Variants in HPCAL1 observed in about 807,000 individuals in gnomAD.
The protein encoded by HPCAL1 is hippocalcin-like protein 1.
In HPCAL1, 8 loss-of-function variants were observed where a neutral mutation model predicts 17.1. The ratio of observed to expected loss-of-function variants is 0.47; its 90% CI spans 0.27 to 0.84. The LOEUF (loss-of-function observed/expected upper bound fraction) is 0.84. Among genes scored for constraint, HPCAL1 ranks in the 40% least tolerant of loss-of-function variants. HPCAL1 has a pLI of 0.13. For synonymous variants in HPCAL1, 112 were observed against 111.4 expected (o/e 1.01, Z -0.03); for missense variants, 165 against 271.1 (o/e 0.61, Z 2.75).
rs946512595 is a variant in HPCAL1, at chr2:10,343,169, T to G, written c.-111+39992T>G. 6.6e-6 allele frequency among the ~76,000 whole-genome samples: 1 copy of G among 152,156 alleles called. No homozygotes were observed. ...TGCACTGTCACAATATTAAAATAAC[T>G]TCCATGGTAGTTGGTAAATAGCCCC... On this transcript the variant is annotated intron_variant, in intron 1 of 4. Coordinates refer to ENST00000307845, the MANE Select transcript of HPCAL1 (RefSeq NM_002149.4). The surrounding 1 kb of genome is among the most constrained non-coding windows in gnomAD (Gnocchi z 4.8).
intron 1 of HPCAL1, among the ~76,000 whole-genome samples, chr2:10,349,971 G>A (rs1035838540): frequency 9.2e-5 from 14 of 152,030 alleles, no homozygotes; most frequent in African/African-American, 3.4e-4. Flanking sequence ...AATCCTTGCC[G>A]ATTTCATATA....
At chr2:10,357,504 G>A (rs112021668) in intron 1 of HPCAL1, among the ~76,000 whole-genome samples, 1,986 of 152,298 alleles carry the variant, frequency 0.013, 37 homozygotes, top group South Asian at 0.045. Flanking sequence ...CTCGGCCATG[G>A]CAGAATTCTG....
In HPCAL1 at chr2:10,367,026, A is replaced by G. The variant is rs1363905387; in HGVS notation, c.-110-29809A>G. Among the ~76,000 whole-genome samples, 1 of 152,056 alleles carries G rather than the reference A, an allele frequency of 6.6e-6. No homozygotes were observed. The highest frequency in any genetic ancestry group is 2.4e-5 in the African/African-American group (1 of 41,384). ...GCGAGGAGGCTGCCTGAGATCCCAC[A>G]GTGAGGCTGGCCCTGCCCTTGCTCG... On this transcript the variant is annotated intron_variant, in intron 1 of 4. Coordinates refer to ENST00000307845, the MANE Select transcript of HPCAL1 (RefSeq NM_002149.4). This position sits in a 1 kb window ranked among gnomAD's most constrained non-coding sequence, Gnocchi z 4.4.
rs34518898 is a variant in HPCAL1, at chr2:10,384,013, G to A, written c.-110-12822G>A. On this transcript the variant is annotated intron_variant, in intron 1 of 4. Coordinates refer to ENST00000307845, the MANE Select transcript of HPCAL1 (RefSeq NM_002149.4). The surrounding 1 kb of genome is among the most constrained non-coding windows in gnomAD (Gnocchi z 4.4). The stretch of plus-strand genomic sequence containing the variant: ...ATATAATTACACATGCATATACATC[G>A]CGTACACACACACACCCACACACAC... 0.4 allele frequency among the ~76,000 whole-genome samples: 53,241 copies of A among 132,964 alleles called. 10,558 individuals carry two copies. The highest frequency in any genetic ancestry group is 0.46 in the Admixed American group (6,492 of 14,036). 87.2% of individuals were successfully genotyped at this position (132,964 alleles called of 152,430 possible). A position where few individuals can be genotyped will look rare whatever the true frequency, so the allele number is the denominator to read the frequency against.
At chr2:10,320,254 A>C (rs1663586124) in intron 1 of HPCAL1, among the ~76,000 whole-genome samples, 2 of 151,738 alleles carry the variant, frequency 1.3e-5, no homozygotes, top group East Asian at 3.9e-4. Context: ...ACATGGACGG[A>C]TATGGTTTGG....
rs933071266 is a variant in HPCAL1, at chr2:10,343,978, C to T, written c.-111+40801C>T. Among the ~76,000 whole-genome samples, 45 of 152,174 alleles carry T rather than the reference C, an allele frequency of 3.0e-4. No individual in the cohort carries two copies. The highest frequency in any genetic ancestry group is 5.4e-4 in the Non-Finnish European group (37 of 68,036). On this transcript the variant is annotated intron_variant, in intron 1 of 4. Transcript: ENST00000307845. This position sits in a 1 kb window ranked among gnomAD's most constrained non-coding sequence, Gnocchi z 4.8. ...ATATAGAGAACGCTGGCTTCAGACCCGGCAGGAGTACCGGCGGCTGTGTGG... is the reference window on the plus strand; with the variant it reads ...ATATAGAGAACGCTGGCTTCAGACCTGGCAGGAGTACCGGCGGCTGTGTGG...
rs1666589536 is a variant in HPCAL1, at chr2:10,362,594, T to G, written c.-110-34241T>G. Among the ~76,000 whole-genome samples the G allele has an allele frequency of 6.6e-6, 1 of 152,200 alleles. No individual in the cohort carries two copies. The highest frequency in any genetic ancestry group is 2.1e-4 in the South Asian group (1 of 4,834). On this transcript the variant is annotated intron_variant, in intron 1 of 4. Transcript: ENST00000307845. The surrounding 1 kb of genome is among the most constrained non-coding windows in gnomAD (Gnocchi z 5.0). ...TGTTCTGTTGTAATGTTCTGCCACTTGGCAGCCTCACCAGGGACATATCAG... is the reference window on the plus strand; with the variant it reads ...TGTTCTGTTGTAATGTTCTGCCACTGGGCAGCCTCACCAGGGACATATCAG...
intron 1 of HPCAL1, among the ~76,000 whole-genome samples, chr2:10,322,083 C>T (rs144172703): frequency 2.2e-4 from 33 of 152,166 alleles, no homozygotes; most frequent in African/African-American, 5.3e-4. Flanking sequence ...AGTGCAGTGG[C>T]GCCATCATAG....
intron 2 of HPCAL1, among the ~76,000 whole-genome samples, chr2:10,412,883 CA>C (rs1572851069): frequency 6.6e-6 from 1 of 152,176 alleles, no homozygotes; most frequent in African/African-American, 2.4e-5. Context: ...TGGATGTGAT[CA>C]AGGTCATAGG....
chr2:10,402,616 A>C (rs2125593385), intron 2 of HPCAL1, among the ~76,000 whole-genome samples: 1 of 152,344 alleles, frequency 6.6e-6, no homozygotes, highest in South Asian at 2.1e-4. Flanking sequence ...CTAGCGTTTC[A>C]GCCGGGCTGA....
rs1268458625 is a variant in HPCAL1, at chr2:10,354,147, T to C, written c.-110-42688T>C. The C allele has an allele frequency of 1.3e-5, 2 of 152,250 alleles. No homozygotes were observed. Among genetic ancestry groups the C allele is most frequent in the Non-Finnish European group, 2.9e-5 (2 of 68,054 alleles). 9.4% of individuals were successfully genotyped at this position (152,250 alleles called of 1,614,324 possible). On this transcript the variant is annotated intron_variant, in intron 1 of 4. Coordinates refer to ENST00000307845, the MANE Select transcript of HPCAL1 (RefSeq NM_002149.4). This position sits in a 1 kb window ranked among gnomAD's most constrained non-coding sequence, Gnocchi z 5.1. ...CAGCCGTCGAATTATGTAGTTCTAC[T>C]GCTTAATCCTTCCTTAACTTGCTCT...
At chr2:10,369,782 G>T (rs765892869) in intron 1 of HPCAL1, among the ~76,000 whole-genome samples, 1 of 152,142 alleles carries the variant, frequency 6.6e-6, no homozygotes, top group South Asian at 2.1e-4. Context: ...TGCCGTGTTC[G>T]GATCCACTAG....
intron 1 of HPCAL1, among the ~76,000 whole-genome samples, chr2:10,339,939 G>A (rs1244250575): frequency 6.6e-6 from 1 of 152,224 alleles, no homozygotes; most frequent in African/African-American, 2.4e-5. Context: ...GGGCATCACA[G>A]GTGTGTATGT....
chr2:10,353,280 T>C (rs769821345), intron 1 of HPCAL1, among the ~76,000 whole-genome samples: 9 of 152,186 alleles, frequency 5.9e-5, no homozygotes, highest in Non-Finnish European at 8.8e-5. Flanking sequence ...TTCTTTATAA[T>C]ATTAATACCA....
intron 2 of HPCAL1, among the ~76,000 whole-genome samples, chr2:10,397,684 CGT>C (rs1398368536): frequency 3.3e-5 from 5 of 152,208 alleles, no homozygotes; most frequent in Admixed American, 2.6e-4. Flanking sequence ...GAGCTAACTC[CGT>C]GAGCTCGGGA....
chr2:10,384,184 G>A lies in HPCAL1; in HGVS notation c.-110-12651G>A, dbSNP rs1420662171. On this transcript the variant is annotated intron_variant, in intron 1 of 4. Coordinates refer to ENST00000307845, the MANE Select transcript of HPCAL1 (RefSeq NM_002149.4). This position sits in a 1 kb window ranked among gnomAD's most constrained non-coding sequence, Gnocchi z 4.4. Reference sequence around the variant, plus strand: ...CCCAGACCTCCTCCCTCAGGGTGGGGACAAGGTGAGGGAGGTGGCGGCCCG... The same window carrying A: ...CCCAGACCTCCTCCCTCAGGGTGGGAACAAGGTGAGGGAGGTGGCGGCCCG... Among the ~76,000 whole-genome samples the A allele has an allele frequency of 6.6e-6, 1 of 152,128 alleles. No individual in the cohort carries two copies. The highest frequency in any genetic ancestry group is 1.5e-5 in the Non-Finnish European group (1 of 68,022).
chr2:10,314,444 A>C (rs916676049), intron 1 of HPCAL1, among the ~76,000 whole-genome samples: 5 of 152,198 alleles, frequency 3.3e-5, no homozygotes, highest in African/African-American at 4.8e-5. Context: ...CTCGTGGCGT[A>C]AGGGCGAGAC....
At chr2:10,396,693 G>A (rs376876293) in intron 1 of HPCAL1, 142 bp from the exon 2 acceptor site, 1 of 152,266 alleles carries the variant, frequency 6.6e-6, no homozygotes, top group Non-Finnish European at 1.5e-5. Flanking sequence ...CGGAGGCCGG[G>A]AGCCAGGGCT....
intron 1 of HPCAL1, among the ~76,000 whole-genome samples, chr2:10,340,673 A>G (rs1188340765): frequency 6.6e-6 from 1 of 152,184 alleles, no homozygotes; most frequent in Non-Finnish European, 1.5e-5. Context: ...CTTTGCTTTC[A>G]AACTCTCACT....
Sources: gnomAD v4.1 joint callset for allele counts (sites outside exome capture counted in the v4.1 genomes callset) on GRCh38, gnomAD v4.1.1 for gene constraint, Gnocchi (gnomAD v3.1) non-coding constraint, MANE v1.5 for transcripts, NCBI Gene and HGNC (gene_info 2026-07-23, HGNC 2026-07-21) for gene names.